KCNH1: variants seen among roughly 807,000 people sequenced by gnomAD.
The protein encoded by KCNH1 is voltage-gated delayed rectifier potassium channel KCNH1.
KCNH1 carries 27 observed loss-of-function variants against 69.2 expected under a neutral mutation model. That is an observed-to-expected ratio of 0.39 (90% CI 0.29 to 0.54). The LOEUF (loss-of-function observed/expected upper bound fraction) is 0.54. KCNH1 is among the 20% of genes least tolerant of loss of function. KCNH1 has a pLI of 0.68. For synonymous variants in KCNH1, 456 were observed against 487.7 expected (o/e 0.93, Z 0.86); for missense variants, 798 against 1,261.6 (o/e 0.63, Z 5.57).
chr1:211,014,638 C>A (rs1689458959), intron 6 of KCNH1, among the ~76,000 whole-genome samples: 1 of 152,124 alleles, frequency 6.6e-6, no homozygotes, highest in Admixed American at 6.6e-5. Flanking sequence ...ACCCCCACTG[C>A]ACACATACAC....
intron 7 of KCNH1, among the ~76,000 whole-genome samples, chr1:210,872,521 T>C (rs1331143196): frequency 6.6e-6 from 1 of 152,198 alleles, no homozygotes; most frequent in Non-Finnish European, 1.5e-5. Flanking sequence ...AGAGGTTTAA[T>C]TGTCTCATGG....
At chr1:210,802,269 CT>C (rs1684445135) in intron 8 of KCNH1, among the ~76,000 whole-genome samples, 1 of 152,176 alleles carries the variant, frequency 6.6e-6, no homozygotes, top group Non-Finnish European at 1.5e-5. Flanking sequence ...TCAATGTTTC[CT>C]TTTAAACTGT....
intron 10 of KCNH1, among the ~76,000 whole-genome samples, chr1:210,717,227 A>C (rs561485199): frequency 6.6e-6 from 1 of 152,288 alleles, no homozygotes; most frequent in East Asian, 1.9e-4. Flanking sequence ...GGCAACAGAG[A>C]GGAGATCCCA....
At chr1:210,935,036 C>T (rs946842447) in intron 6 of KCNH1, among the ~76,000 whole-genome samples, 1 of 151,694 alleles carries the variant, frequency 6.6e-6, no homozygotes, top group Admixed American at 6.6e-5. Flanking sequence ...TAGCTGCACT[C>T]ATGTTTACTA....
At chr1:210,933,797 TATAGTAACCAAAACAGC>T (rs1177286280) in intron 6 of KCNH1, among the ~76,000 whole-genome samples, 6 of 152,094 alleles carry the variant, frequency 3.9e-5, no homozygotes, top group African/African-American at 1.4e-4. Flanking sequence ...ACTACAAAGC[TATAGTAACCAAAACAGC>T]ATAGTACTGG....
chr1:210,721,454 T>C (rs11119579), intron 10 of KCNH1, among the ~76,000 whole-genome samples: 71,729 of 152,128 alleles, frequency 0.47, 17,592 homozygotes, highest in African/African-American at 0.6. Context: ...TGTATTTTCT[T>C]TTGAGGTATT....
intron 7 of KCNH1, among the ~76,000 whole-genome samples, chr1:210,917,275 G>GAAAGAAAGAAAGAAAGAAAAGA (rs1553359771): frequency 1.4e-5 from 2 of 142,886 alleles, no homozygotes; most frequent in African/African-American, 5.3e-5. Flanking sequence ...AAGAAAGAAA[G>GAAAGAAAGAAAGAAAGAAAAGA]AAAGAAAAGA....
Position 210,684,057 on chromosome 1 carries a change from G to A in KCNH1, c.2194C>T (p.Pro732Ser). The A allele has an allele frequency of 6.5e-7, 1 of 1,540,156 alleles. No homozygotes were observed. The change falls in exon 11 of 11, where the codon CCC becomes TCC. Residue 732 changes from proline (P) to serine (S), a missense_variant. Physicochemically the swap from Pro to Ser is moderately conservative, Grantham distance 74. Around this residue, in one of 4 missense-constraint regions of KCNH1, gnomAD observed 331 missense variants for 363.2 expected, o/e 0.91. Transcript: ENST00000271751. ...AGGCGCCGGACAGGGTGGTCCGGGG[G>A]CAAGATCAGGGGGGCCTCATTCTTT... ...KRKNEAPLIL[P>S]PDHPVRRLFQ...
intron 6 of KCNH1, among the ~76,000 whole-genome samples, chr1:210,961,921 C>T (rs1385033515): frequency 6.6e-6 from 1 of 151,880 alleles, no homozygotes; most frequent in African/African-American, 2.4e-5. Flanking sequence ...TGTAGTTTTT[C>T]CATGCTAGTT....
chr1:211,105,594 G>A (rs926164063), intron 2 of KCNH1, among the ~76,000 whole-genome samples: 2 of 150,922 alleles, frequency 1.3e-5, no homozygotes, highest in African/African-American at 5.0e-5. Context: ...AATTCAATAA[G>A]TTGCTAAAAA....
chr1:211,044,565 A>G (rs540752190), intron 5 of KCNH1, among the ~76,000 whole-genome samples: 392 of 102,146 alleles, frequency 3.8e-3, no homozygotes, highest in Non-Finnish European at 7.6e-3. Flanking sequence ...AATTAGCAAG[A>G]AAAAAAAATT....
At chr1:210,928,434 C>T (rs778079785) in intron 6 of KCNH1, among the ~76,000 whole-genome samples, 19 of 152,108 alleles carry the variant, frequency 1.2e-4, no homozygotes, top group African/African-American at 4.6e-4. Context: ...AATCCAAATA[C>T]ATGGAAATTA....
At chr1:210,979,818 C>A (rs1055670261) in intron 6 of KCNH1, among the ~76,000 whole-genome samples, 1 of 152,034 alleles carries the variant, frequency 6.6e-6, no homozygotes, top group Non-Finnish European at 1.5e-5. Flanking sequence ...CTTATACAGG[C>A]AAGATAACCA....
intron 3 of KCNH1, among the ~76,000 whole-genome samples, chr1:211,101,524 A>T (rs1437897885): frequency 1.3e-5 from 2 of 152,190 alleles, no homozygotes; most frequent in Non-Finnish European, 2.9e-5. Context: ...CCACTGGCCC[A>T]CTAGTCATCT....
chr1:210,910,845 T>G (rs1334836843), intron 7 of KCNH1, among the ~76,000 whole-genome samples: 2 of 152,248 alleles, frequency 1.3e-5, no homozygotes, highest in African/African-American at 4.8e-5. Context: ...TCATTGTAAG[T>G]GATGCAAATC....
chr1:210,698,938 C>T (rs1681708907), intron 10 of KCNH1, among the ~76,000 whole-genome samples: 1 of 152,232 alleles, frequency 6.6e-6, no homozygotes, highest in Admixed American at 6.5e-5. Context: ...AGAGAACGGA[C>T]TTCCTACCTT....
chr1:210,710,903 G>C (rs758150987), intron 10 of KCNH1, among the ~76,000 whole-genome samples: 1 of 152,160 alleles, frequency 6.6e-6, no homozygotes, highest in Non-Finnish European at 1.5e-5. Flanking sequence ...GCAAACAGAG[G>C]ACAATTAAGG....
At chr1:210,834,852 A>C (rs999742809) in intron 7 of KCNH1, among the ~76,000 whole-genome samples, 1 of 152,100 alleles carries the variant, frequency 6.6e-6, no homozygotes, top group African/African-American at 2.4e-5. Context: ...GTAGGCCTTC[A>C]CCAAATGCAG....
intron 9 of KCNH1, among the ~76,000 whole-genome samples, chr1:210,780,528 C>T (rs1683956061): frequency 1.3e-5 from 2 of 152,116 alleles, no homozygotes; most frequent in South Asian, 4.1e-4. Flanking sequence ...GAAGGAGATG[C>T]AGGTGACTAT....
Sources: gnomAD v4.1 joint callset for allele counts (sites outside exome capture counted in the v4.1 genomes callset) on GRCh38, gnomAD v4.1.1 for gene constraint, gnomAD v4.1.1 regional missense constraint, MANE v1.5 for transcripts, NCBI Gene and HGNC (gene_info 2026-07-23, HGNC 2026-07-21) for gene names.